NALF1: variants seen among roughly 807,000 people sequenced by gnomAD.
NALF1 encodes NALCN channel auxiliary factor 1.
In NALF1, 3 loss-of-function variants were observed where a neutral mutation model predicts 48.4. The observed-to-expected ratio is 0.06, with a 90% CI of 0.03 to 0.16. NALF1 has a LOEUF of 0.16. Ranked by LOEUF, NALF1 falls within the 10% of genes least tolerant of loss-of-function variation. NALF1 has a pLI of 1.00. For missense variants in NALF1, 526 were observed against 571.5 expected (o/e 0.92, Z 0.81); for synonymous variants, 262 against 245.7 (o/e 1.07, Z -0.62).
intron 1 of NALF1, among the ~76,000 whole-genome samples, chr13:107,360,473 G>A (rs942882348): frequency 6.6e-6 from 1 of 152,014 alleles, no homozygotes; most frequent in African/African-American, 2.4e-5. Flanking sequence ...GCCAAGTTCA[G>A]CCAATATCTT....
In NALF1 at chr13:107,626,193, C is replaced by A. The variant is rs999581488; in HGVS notation, c.915+239489G>T. Among the ~76,000 whole-genome samples, 4 of 151,962 alleles carry A rather than the reference C, an allele frequency of 2.6e-5. No homozygotes were observed. In the East Asian group the frequency reaches 7.7e-4, roughly 29 times the overall value. On this transcript the variant is annotated intron_variant, in intron 1 of 2. Coordinates refer to ENST00000375915, the MANE Select transcript of NALF1 (RefSeq NM_001080396.3). ...CATAAGTCTATCATAATCACGTACACTCTATAAAAGTTATATGCAAAACTG... is the reference window on the plus strand; with the variant it reads ...CATAAGTCTATCATAATCACGTACAATCTATAAAAGTTATATGCAAAACTG...
intron 1 of NALF1, among the ~76,000 whole-genome samples, chr13:107,455,014 G>A (rs534537209): frequency 6.6e-6 from 1 of 152,228 alleles, no homozygotes; most frequent in African/African-American, 2.4e-5. Flanking sequence ...TGTGTCAAGG[G>A]AGTGAGGTGA....
intron 1 of NALF1, among the ~76,000 whole-genome samples, chr13:107,387,875 G>T (rs78222741): frequency 0.012 from 1,876 of 152,286 alleles, 11 homozygotes; most frequent in Non-Finnish European, 0.019. Context: ...CACAGTGATG[G>T]TATTTTCAAT....
chr13:107,601,633 A>G (rs1209500395), intron 1 of NALF1, among the ~76,000 whole-genome samples: 1 of 152,198 alleles, frequency 6.6e-6, no homozygotes, highest in Non-Finnish European at 1.5e-5. Flanking sequence ...CAATGTCTTC[A>G]TCACACTTTT....
At chr13:107,340,815 A>G (rs2138934284) in intron 1 of NALF1, among the ~76,000 whole-genome samples, 1 of 152,296 alleles carries the variant, frequency 6.6e-6, no homozygotes, top group Non-Finnish European at 1.5e-5. Flanking sequence ...GTTATCTTAA[A>G]TAAGCTACTC....
At chr13:107,209,538 G>C (rs1879715458) in intron 2 of NALF1, among the ~76,000 whole-genome samples, 1 of 152,022 alleles carries the variant, frequency 6.6e-6, no homozygotes, top group Non-Finnish European at 1.5e-5. Context: ...CAGTTCTTAG[G>C]GCGAGCTTTG....
chr13:107,634,148 A>T (rs1050556992), intron 1 of NALF1, among the ~76,000 whole-genome samples: 2 of 152,122 alleles, frequency 1.3e-5, no homozygotes, highest in Non-Finnish European at 2.9e-5. Context: ...TTAATCAACA[A>T]GCATTTATTC....
chr13:107,319,483 A>G (rs1265883404), intron 1 of NALF1, among the ~76,000 whole-genome samples: 2 of 152,090 alleles, frequency 1.3e-5, no homozygotes, highest in African/African-American at 4.8e-5. Flanking sequence ...TAAAGGCGCA[A>G]TATAAGGAGT....
At chr13:107,234,936 C>T (rs902353765) in intron 1 of NALF1, among the ~76,000 whole-genome samples, 5 of 152,132 alleles carry the variant, frequency 3.3e-5, no homozygotes, top group African/African-American at 7.2e-5. Flanking sequence ...TGAATGCTAA[C>T]GAGCCACAGT....
chr13:107,738,818 C>A (rs111313178), intron 1 of NALF1, among the ~76,000 whole-genome samples: 6,629 of 152,036 alleles, frequency 0.044, 370 homozygotes, highest in African/African-American at 0.13. Context: ...TGCCTGCCAG[C>A]ATGACCAGCT....
chr13:107,350,742 G>A (rs1042155511), intron 1 of NALF1, among the ~76,000 whole-genome samples: 1 of 152,180 alleles, frequency 6.6e-6, no homozygotes, highest in African/African-American at 2.4e-5. Flanking sequence ...GGCTATTGCA[G>A]TGGTTCTCAA....
intron 1 of NALF1, among the ~76,000 whole-genome samples, chr13:107,549,050 G>T (rs1177277225): frequency 1.3e-5 from 2 of 152,008 alleles, no homozygotes; most frequent in African/African-American, 2.4e-5. Flanking sequence ...CAAAATCCTG[G>T]ACCTAAGATG....
chr13:107,767,286 C>T (rs1877442587), intron 1 of NALF1, among the ~76,000 whole-genome samples: 1 of 152,198 alleles, frequency 6.6e-6, no homozygotes, highest in Non-Finnish European at 1.5e-5. Context: ...TGGCTTGTCA[C>T]TTCCTGTCAC....
At chr13:107,729,019 T>C (rs1348633219) in intron 1 of NALF1, among the ~76,000 whole-genome samples, 1 of 152,180 alleles carries the variant, frequency 6.6e-6, no homozygotes, top group African/African-American at 2.4e-5. Context: ...AGAATGGCAA[T>C]TTAAATAACT....
intron 1 of NALF1, among the ~76,000 whole-genome samples, chr13:107,772,716 C>T (rs1325058844): frequency 1.3e-5 from 2 of 152,042 alleles, no homozygotes; most frequent in East Asian, 1.9e-4. Context: ...GAACTATATC[C>T]CTTCTTGGGT....
intron 1 of NALF1, among the ~76,000 whole-genome samples, chr13:107,270,937 A>T (rs1045674711): frequency 4.6e-5 from 7 of 151,572 alleles, no homozygotes; most frequent in African/African-American, 1.7e-4. Flanking sequence ...TCCTTGCGAT[A>T]GTTTGCTGAG....
chr13:107,173,642 T>A (rs1878850655), intron 2 of NALF1, among the ~76,000 whole-genome samples: 1 of 152,184 alleles, frequency 6.6e-6, no homozygotes, highest in South Asian at 2.1e-4. Flanking sequence ...GTTCCCTGTA[T>A]CCTGTGCCTC....
At chr13:107,570,195 T>C (rs971921056) in intron 1 of NALF1, among the ~76,000 whole-genome samples, 2 of 152,054 alleles carry the variant, frequency 1.3e-5, no homozygotes, top group Non-Finnish European at 2.9e-5. Context: ...TTTTCTTGCA[T>C]TACAGCTGAG....
chr13:107,709,946 G>A (rs1875515105), intron 1 of NALF1, among the ~76,000 whole-genome samples: 1 of 152,042 alleles, frequency 6.6e-6, no homozygotes. Flanking sequence ...ATTGGAAAGA[G>A]CTCAATATAA....
Sources: gnomAD v4.1 joint callset for allele counts (sites outside exome capture counted in the v4.1 genomes callset) on GRCh38, gnomAD v4.1.1 for gene constraint, MANE v1.5 for transcripts, NCBI Gene and HGNC (gene_info 2026-07-23, HGNC 2026-07-21) for gene names.